The following ODAD2 variants were observed in gnomAD, a reference collection of about 807,000 sequenced individuals.
ODAD2 encodes the protein outer dynein arm-docking complex subunit 2.
Under a neutral mutation model 106.8 loss-of-function variants are expected in ODAD2, and 89 were observed. That is an observed-to-expected ratio of 0.83 (90% CI 0.70 to 0.99). The LOEUF (loss-of-function observed/expected upper bound fraction) is 0.99, where lower values mean the gene tolerates loss of function less well. ODAD2 is among the 50% of genes least tolerant of loss of function. ODAD2 has a pLI of 0.00. For synonymous variants in ODAD2, 404 were observed against 436.2 expected (o/e 0.93, Z 0.92); for missense variants, 1,168 against 1,238.5 (o/e 0.94, Z 0.85).
intron 14 of ODAD2, among the ~76,000 whole-genome samples, chr10:27,939,392 A>G (rs2031950458): frequency 6.6e-6 from 1 of 150,950 alleles, no homozygotes. Context: ...TGGTTCTTAG[A>G]CCTGTCTATG....
intron 10 of ODAD2, among the ~76,000 whole-genome samples, chr10:27,946,788 T>C (rs2132658215): frequency 6.6e-6 from 1 of 152,306 alleles, no homozygotes; most frequent in East Asian, 1.9e-4. Context: ...CAAACCCTCT[T>C]GTGAATTCAA....
At chr10:27,849,328 C>G (rs1026064719) in intron 19 of ODAD2, among the ~76,000 whole-genome samples, 14 of 149,620 alleles carry the variant, frequency 9.4e-5, no homozygotes, top group African/African-American at 2.7e-4. Flanking sequence ...TGCATGTTCT[C>G]ACTCATAGGT....
chr10:27,983,826 T>A lies in ODAD2; in HGVS notation c.819+17A>T. On this transcript the variant is annotated intron_variant, in intron 6 of 19. Transcript: ENST00000305242. The stretch of plus-strand genomic sequence containing the variant: ...AAAGTCCACTGGCTTTAGTTACGTT[T>A]TTAAAAATTTACTTACACCATTTAA... 1 of 1,612,346 alleles carries A rather than the reference T, an allele frequency of 6.2e-7. No homozygotes were observed. Among genetic ancestry groups the A allele is most frequent in the Non-Finnish European group, 8.5e-7 (1 of 1,179,332 alleles).
chr10:27,943,413 G>A (rs983528323), intron 12 of ODAD2, among the ~76,000 whole-genome samples: 4 of 151,948 alleles, frequency 2.6e-5, no homozygotes, highest in African/African-American at 9.7e-5. Context: ...TTTAAAAACT[G>A]GGATCATAGA....
At chr10:27,843,529 G>C (rs1292088384) in intron 19 of ODAD2, among the ~76,000 whole-genome samples, 2 of 152,182 alleles carry the variant, frequency 1.3e-5, no homozygotes, top group Non-Finnish European at 2.9e-5. Context: ...ACTTTGGGAA[G>C]CCAAGGCAGG....
intron 7 of ODAD2, among the ~76,000 whole-genome samples, chr10:27,976,603 A>G (rs1275799381): frequency 6.6e-6 from 1 of 152,146 alleles, no homozygotes; most frequent in Non-Finnish European, 1.5e-5. Flanking sequence ...ACTAAGACCT[A>G]AATAAATGGA....
intron 19 of ODAD2, among the ~76,000 whole-genome samples, chr10:27,845,560 C>G (rs951943252): frequency 5.3e-5 from 8 of 152,178 alleles, no homozygotes; most frequent in African/African-American, 1.7e-4. Flanking sequence ...GGATCAAATT[C>G]ACACATAGCA....
chr10:27,961,206 G>A (rs1158739835), intron 10 of ODAD2, among the ~76,000 whole-genome samples: 15 of 152,150 alleles, frequency 9.9e-5, no homozygotes, highest in Admixed American at 9.2e-4. Flanking sequence ...CAACAGCTAC[G>A]TTGCTAGTAA....
At chr10:27,992,003 C>G (rs1418107948) in intron 2 of ODAD2, among the ~76,000 whole-genome samples, 1 of 152,188 alleles carries the variant, frequency 6.6e-6, no homozygotes, top group Non-Finnish European at 1.5e-5. Context: ...GTTGACATCA[C>G]TTGTTCTCAT....
chr10:27,970,830 G>C (rs965999323), intron 8 of ODAD2, among the ~76,000 whole-genome samples: 2 of 152,016 alleles, frequency 1.3e-5, no homozygotes, highest in Non-Finnish European at 2.9e-5. Flanking sequence ...AAGTTAGCCA[G>C]GCGTGGTGGC....
chr10:27,840,431 C>T (rs1838223188), intron 19 of ODAD2, among the ~76,000 whole-genome samples: 4 of 152,180 alleles, frequency 2.6e-5, no homozygotes, highest in Non-Finnish European at 5.9e-5. Flanking sequence ...TCATGAACGC[C>T]CTTGACTGCC....
At chr10:27,978,745 TCACAC>T (rs1849348057) in intron 7 of ODAD2, among the ~76,000 whole-genome samples, 1 of 151,778 alleles carries the variant, frequency 6.6e-6, no homozygotes, top group South Asian at 2.1e-4. Context: ...TGAGCCAAGA[TCACAC>T]CACTGCACTT....
intron 15 of ODAD2, among the ~76,000 whole-genome samples, chr10:27,935,889 A>G (rs1020707301): frequency 6.6e-6 from 1 of 150,980 alleles, no homozygotes; most frequent in African/African-American, 2.5e-5. Flanking sequence ...CACACACACC[A>G]AAAGGAAGCA....
At chr10:27,938,217 G>C (rs1590074559) in intron 14 of ODAD2, among the ~76,000 whole-genome samples, 1 of 152,216 alleles carries the variant, frequency 6.6e-6, no homozygotes, top group Non-Finnish European at 1.5e-5. Flanking sequence ...GGGATTATAG[G>C]CTTGAGCCAC....
At chr10:27,853,339 G>A in intron 19 of ODAD2, 2 of 278,996 alleles carry the variant, frequency 7.2e-6, no homozygotes, top group Admixed American at 3.7e-5. Context: ...CTGCACTCTA[G>A]CCTGGCGACA....
At chr10:27,983,652 G>A (rs1459273211) in intron 6 of ODAD2, among the ~76,000 whole-genome samples, 191 bp downstream of exon 6, 1 of 152,148 alleles carries the variant, frequency 6.6e-6, no homozygotes, top group Non-Finnish European at 1.5e-5. Flanking sequence ...TTAATGACCT[G>A]CAGTGGAGAA....
rs11006777 is a variant in ODAD2, at chr10:27,936,524, C to G, written c.2252+202G>C. ...CAAGCCTCTTAGTGCCACTGAGGCA[C>G]AGAAAAAGTCATTGCCAGGTGGTGG... On this transcript the variant is annotated intron_variant, in intron 15 of 19. Coordinates refer to ENST00000305242, the MANE Select transcript of ODAD2 (RefSeq NM_018076.5). Among the ~76,000 whole-genome samples the G allele has an allele frequency of 3.4e-3, 521 of 152,290 alleles. 4 individuals carry two copies. Among genetic ancestry groups the G allele is most frequent in the Middle Eastern group, 3.4e-3 (1 of 294 alleles).
At chr10:27,963,537 A>G (rs1305803805) in intron 9 of ODAD2, among the ~76,000 whole-genome samples, 1 of 152,024 alleles carries the variant, frequency 6.6e-6, no homozygotes, top group Non-Finnish European at 1.5e-5. Context: ...AGAACACACA[A>G]GTCCACAATA....
chr10:27,912,079 AT>A (rs1018741539), intron 16 of ODAD2, among the ~76,000 whole-genome samples: 2 of 152,194 alleles, frequency 1.3e-5, no homozygotes, highest in Non-Finnish European at 2.9e-5. Flanking sequence ...TTTTCTCAGA[AT>A]TTCTTGACAA....
Sources: allele counts gnomAD v4.1 joint callset (sites outside exome capture counted in the v4.1 genomes callset), GRCh38; gene constraint gnomAD v4.1.1; transcripts MANE v1.5; gene names NCBI Gene and HGNC (gene_info 2026-07-23, HGNC 2026-07-21).